The following ZNF248 variants were observed in gnomAD, a reference collection of about 807,000 sequenced individuals.
ZNF248 encodes the protein zinc finger protein 248.
ZNF248 carries 20 observed loss-of-function variants against 44.3 expected under a neutral mutation model. The observed-to-expected ratio is 0.45, with a 90% CI of 0.32 to 0.66. The LOEUF (loss-of-function observed/expected upper bound fraction) is 0.66, where lower values mean the gene tolerates loss of function less well. Among genes scored for constraint, ZNF248 ranks in the 30% least tolerant of loss-of-function variants. The pLI is 0.04. For synonymous variants in ZNF248, 224 were observed against 229.0 expected, an observed-to-expected ratio of 0.98 and a Z score of 0.20; for missense variants, 654 against 677.0, an observed-to-expected ratio of 0.97 and a Z score of 0.38.
At chr10:37,790,592 C>A (rs2048388349) in intron 6 of ZNF248, among the ~76,000 whole-genome samples, 1 of 151,618 alleles carries the variant, frequency 6.6e-6, no homozygotes, top group African/African-American at 2.4e-5. Context: ...CGCCTGTAGT[C>A]TCAGCTACTC....
intron 5 of ZNF248, among the ~76,000 whole-genome samples, chr10:37,834,692 T>C (rs2056729525): frequency 6.6e-6 from 1 of 152,146 alleles, no homozygotes; most frequent in African/African-American, 2.4e-5. Flanking sequence ...GCTATTTAAG[T>C]TTCAGCAAAA....
At chr10:37,835,353 T>C (rs1290605935) in intron 5 of ZNF248, among the ~76,000 whole-genome samples, 3 of 152,206 alleles carry the variant, frequency 2.0e-5, no homozygotes, top group Non-Finnish European at 2.9e-5. Context: ...TGGTTGCCAT[T>C]CAAGATAGCA....
chr10:37,828,078 T>C (rs1225715532), downstream of ZNF248, among the ~76,000 whole-genome samples: 3 of 152,232 alleles, frequency 2.0e-5, no homozygotes, highest in African/African-American at 7.2e-5. Flanking sequence ...GTCTAGTGTA[T>C]GAGAAAAAGT....
the ZNF248 span, among the ~76,000 whole-genome samples, chr10:37,761,270 C>T: frequency 6.6e-6 from 1 of 152,148 alleles, no homozygotes; most frequent in African/African-American, 2.4e-5. Flanking sequence ...GAATATCTGC[C>T]ATCCCTTAGG....
intron 3 of ZNF248, among the ~76,000 whole-genome samples, chr10:37,855,662 A>G (rs768519749): frequency 1.3e-4 from 20 of 152,258 alleles, no homozygotes; most frequent in Admixed American, 2.6e-4. Flanking sequence ...CAATATATGC[A>G]GCAGACCAGG....
At chr10:37,784,969 G>A (rs74490304) in intron 6 of ZNF248, among the ~76,000 whole-genome samples, 1,655 of 151,992 alleles carry the variant, frequency 0.011, 36 homozygotes, top group African/African-American at 0.038. Flanking sequence ...GTCTCCTGCC[G>A]CCAAAAAAAA....
rs1270509245 is a variant in ZNF248, at chr10:37,832,749, G to A, written c.606C>T (p.His202=). The A allele has an allele frequency of 6.2e-7, 1 of 1,613,628 alleles. No homozygotes were observed. Among genetic ancestry groups the A allele is most frequent in the South Asian group, 1.1e-5 (1 of 91,066 alleles). Residue 202 remains histidine, a synonymous_variant, in exon 6 of 6, where the codon CAC becomes CAT. Coordinates refer to ENST00000395867, the MANE Select transcript of ZNF248 (RefSeq NM_021045.3). The part of the protein sequence containing the change: ...YDQKRNAINY[H]QDLSQPSFGQ... ...CAAAACTTGGCTGACTGAGATCCTGGTGATAATTAATGGCATTCCTTTTTT... is the reference window on the plus strand; with the variant it reads ...CAAAACTTGGCTGACTGAGATCCTGATGATAATTAATGGCATTCCTTTTTT...
At chr10:37,820,880 G>T (rs2053352793) in intron 6 of ZNF248, 1 of 1,312,776 alleles carries the variant, frequency 7.6e-7, no homozygotes, top group South Asian at 1.2e-5. Context: ...CATATTTATT[G>T]TTTTTTCCTC....
chr10:37,762,451 G>T, the ZNF248 span, among the ~76,000 whole-genome samples: 2 of 152,200 alleles, frequency 1.3e-5, no homozygotes, highest in African/African-American at 4.8e-5. Flanking sequence ...AGCCCAGGAA[G>T]TCTAGTTTCA....
the ZNF248 span, among the ~76,000 whole-genome samples, chr10:37,761,184 G>C: frequency 1.3e-5 from 2 of 152,172 alleles, no homozygotes; most frequent in Non-Finnish European, 2.9e-5. Flanking sequence ...AAAACCCACA[G>C]ACTCTTATTG....
downstream of ZNF248, among the ~76,000 whole-genome samples, chr10:37,772,989 A>C (rs1402422252): frequency 6.6e-6 from 1 of 152,152 alleles, no homozygotes; most frequent in Non-Finnish European, 1.5e-5. Context: ...GTGACTATCA[A>C]AGGAAAAAAA....
chr10:37,794,601 TC>T (rs1425101976), intron 6 of ZNF248: 1 of 159,826 alleles, frequency 6.3e-6, no homozygotes, highest in Non-Finnish European at 1.4e-5. Context: ...CAGTGTGTAT[TC>T]TTTGTTGTCC....
At chr10:37,802,989 CAGAT>C (rs2050013815) in intron 6 of ZNF248, 2 of 151,156 alleles carry the variant, frequency 1.3e-5, no homozygotes, top group Non-Finnish European at 3.0e-5. Flanking sequence ...CCACCACAGC[CAGAT>C]ACTTTTTTTT....
chr10:37,779,448 T>G (rs2047014556), intron 6 of ZNF248, among the ~76,000 whole-genome samples: 1 of 152,148 alleles, frequency 6.6e-6, no homozygotes, highest in Non-Finnish European at 1.5e-5. Context: ...GAAAAGGCCT[T>G]TGACAAAATT....
At chr10:37,791,562 A>G (rs2048555258) in intron 6 of ZNF248, 1 of 152,186 alleles carries the variant, frequency 6.6e-6, no homozygotes, top group Non-Finnish European at 1.5e-5. Flanking sequence ...AACTTGAAAT[A>G]GCCACCCCAC....
At chr10:37,768,660 G>A in the ZNF248 span, among the ~76,000 whole-genome samples, 1 of 152,146 alleles carries the variant, frequency 6.6e-6, no homozygotes, top group Non-Finnish European at 1.5e-5. Context: ...ATGCCGACAA[G>A]AGAAAGGAGG....
intron 6 of ZNF248, chr10:37,821,030 C>A: frequency 8.9e-7 from 1 of 1,126,590 alleles, no homozygotes; most frequent in East Asian, 2.4e-5. Flanking sequence ...TCTGGGATCC[C>A]AAAGACCTAC....
chr10:37,767,437 C>G, the ZNF248 span, among the ~76,000 whole-genome samples: 1 of 152,168 alleles, frequency 6.6e-6, no homozygotes, highest in South Asian at 2.1e-4. Flanking sequence ...TGGCAGAAAC[C>G]CTACAAGCCA....
chr10:37,759,026 G>A, the ZNF248 span, among the ~76,000 whole-genome samples: 2 of 152,180 alleles, frequency 1.3e-5, no homozygotes. Context: ...CACTAGGCAA[G>A]GAAGGATCAG....
Sources: gnomAD v4.1 joint callset for allele counts (sites outside exome capture counted in the v4.1 genomes callset) on GRCh38, gnomAD v4.1.1 for gene constraint, MANE v1.5 for transcripts, NCBI Gene and HGNC (gene_info 2026-07-23, HGNC 2026-07-21) for gene names.